ROCK2: variants seen among roughly 807,000 people sequenced by gnomAD.
ROCK2 encodes rho-associated protein kinase 2.
In ROCK2, 61 loss-of-function variants were observed where a neutral mutation model predicts 195.1. The ratio of observed to expected loss-of-function variants is 0.31; its 90% CI spans 0.25 to 0.39. ROCK2 has a LOEUF of 0.39. Ranked by LOEUF, ROCK2 falls within the 10% of genes least tolerant of loss-of-function variation. The probability of loss-of-function intolerance (pLI) is 1.00; values close to 1 mark genes in which losing one functional copy is unlikely to be tolerated. For missense variants in ROCK2, 1,109 were observed against 1,637.4 expected, an observed-to-expected ratio of 0.68 and a Z score of 5.57; for synonymous variants, 504 against 545.5, an observed-to-expected ratio of 0.92 and a Z score of 1.06.
intron 4 of ROCK2, among the ~76,000 whole-genome samples, chr2:11,246,757 T>C (rs1458612594): frequency 1.3e-5 from 2 of 152,204 alleles, no homozygotes; most frequent in African/African-American, 2.4e-5. Context: ...AAATATTTAA[T>C]AGTCATTTAA....
At chr2:11,275,257 CAAA>C (rs71393869) in intron 3 of ROCK2, among the ~76,000 whole-genome samples, 3 of 110,538 alleles carry the variant, frequency 2.7e-5, no homozygotes, top group Admixed American at 9.5e-5. Flanking sequence ...GACTTCATGT[CAAA>C]AAAAAAAAAA....
chr2:11,278,622 T>C (rs149832674), intron 3 of ROCK2, among the ~76,000 whole-genome samples: 563 of 152,298 alleles, frequency 3.7e-3, no homozygotes, highest in South Asian at 0.016. Flanking sequence ...TATTTTATTT[T>C]GGTTTCTTAA....
At chr2:11,268,864 TTTC>T (rs1572338095) in intron 3 of ROCK2, among the ~76,000 whole-genome samples, 1 of 152,282 alleles carries the variant, frequency 6.6e-6, no homozygotes, top group East Asian at 1.9e-4. Flanking sequence ...ATTTTGTCTC[TTTC>T]TTCTTCTGTT....
chr2:11,334,631 A>G (rs1038551967), intron 1 of ROCK2, among the ~76,000 whole-genome samples: 4 of 151,382 alleles, frequency 2.6e-5, no homozygotes, highest in Non-Finnish European at 4.4e-5. Context: ...AATAAACTCA[A>G]AAGCCAAGAA....
intron 5 of ROCK2, among the ~76,000 whole-genome samples, chr2:11,231,324 C>G (rs1665001753): frequency 6.6e-6 from 1 of 151,980 alleles, no homozygotes; most frequent in Admixed American, 6.6e-5. Flanking sequence ...CTGCCTCAGT[C>G]ACCTGAGTAG....
chr2:11,219,336 CAAAAAAAAAA>C (rs35159426), intron 9 of ROCK2, among the ~76,000 whole-genome samples: 4 of 67,386 alleles, frequency 5.9e-5, no homozygotes, highest in African/African-American at 1.4e-4. Flanking sequence ...CTTATCTCTA[CAAAAAAAAAA>C]AAAAAAAAAA....
intron 3 of ROCK2, among the ~76,000 whole-genome samples, chr2:11,262,618 T>TC (rs1666269579): frequency 2.6e-5 from 4 of 152,188 alleles, no homozygotes; most frequent in Non-Finnish European, 5.9e-5. Context: ...CAAGCTCTCT[T>TC]TGCCTGCTGC....
intron 32 of ROCK2, among the ~76,000 whole-genome samples, chr2:11,191,365 T>C (rs1663415535): frequency 3.3e-5 from 5 of 152,186 alleles, no homozygotes; most frequent in Admixed American, 3.3e-4. Flanking sequence ...ATCCCTGACC[T>C]TACTCCATTT....
intron 7 of ROCK2, among the ~76,000 whole-genome samples, chr2:11,223,216 T>C (rs1664696368): frequency 6.6e-6 from 1 of 152,166 alleles, no homozygotes; most frequent in African/African-American, 2.4e-5. Context: ...ACCATGTAAT[T>C]GACAGGTATT....
Position 11,192,138 on chromosome 2 carries a change from A to G in ROCK2, c.4163+10T>C. ...TTTTTTTTTTTCCTTACCACATTTTAGTTTATTACCTAGGTTTGTTTGGGG... is the reference window on the plus strand; with the variant it reads ...TTTTTTTTTTTCCTTACCACATTTTGGTTTATTACCTAGGTTTGTTTGGGG... On this transcript the variant is annotated intron_variant, in intron 32 of 32. Transcript: ENST00000315872. The surrounding 1 kb of genome is among the most constrained non-coding windows in gnomAD (Gnocchi z 5.0). 3.3e-6 allele frequency: 5 copies of G among 1,528,674 alleles called. No homozygotes were observed. The highest frequency in any genetic ancestry group is 4.4e-6 in the Non-Finnish European group (5 of 1,130,486). The allele number at this position is 1,528,674 out of a possible 1,614,324, so 94.7% of individuals were successfully genotyped here. A position where few individuals can be genotyped will look rare whatever the true frequency, so the allele number is the denominator to read the frequency against.
chr2:11,214,556 G>A, intron 16 of ROCK2, 93 bp from the exon 17 acceptor site: 1 of 760,990 alleles, frequency 1.3e-6, no homozygotes, highest in Non-Finnish European at 2.1e-6. Context: ...TTCTATTTTG[G>A]AGCTGTTGTT....
chr2:11,285,846 C>CA (rs1169077590), intron 3 of ROCK2, among the ~76,000 whole-genome samples: 2 of 151,476 alleles, frequency 1.3e-5, no homozygotes, highest in African/African-American at 4.8e-5. Flanking sequence ...CAAAAAGAAA[C>CA]AAAAAACCCA....
chr2:11,224,138 T>C (rs1664731057), intron 7 of ROCK2, among the ~76,000 whole-genome samples, 184 bp downstream of exon 7: 1 of 152,188 alleles, frequency 6.6e-6, no homozygotes, highest in South Asian at 2.1e-4. Context: ...AACTGGGCTG[T>C]ACACACATAA....
At chr2:11,343,817 T>TC (rs1669189303) in intron 1 of ROCK2, among the ~76,000 whole-genome samples, 179 bp downstream of exon 1, 1 of 151,542 alleles carries the variant, frequency 6.6e-6, no homozygotes. Flanking sequence ...CAAAGGCGGG[T>TC]CACTACTCTT....
At chr2:11,199,050 G>A (rs1370550082) in intron 23 of ROCK2, among the ~76,000 whole-genome samples, 4 of 150,544 alleles carry the variant, frequency 2.7e-5, no homozygotes, top group East Asian at 1.9e-4. Flanking sequence ...ACAGGCATGC[G>A]CCACCACACC....
At chr2:11,324,263 C>T (rs935226039) in intron 1 of ROCK2, among the ~76,000 whole-genome samples, 3 of 152,102 alleles carry the variant, frequency 2.0e-5, no homozygotes, top group East Asian at 1.9e-4. Flanking sequence ...GGTGAAACCC[C>T]GTCTCCACTA....
At chr2:11,335,138 CACACACACACAG>C (rs1242192338) in intron 1 of ROCK2, among the ~76,000 whole-genome samples, 3 of 151,556 alleles carry the variant, frequency 2.0e-5, no homozygotes, top group Non-Finnish European at 2.9e-5. Flanking sequence ...CACACACACA[CACACACACACAG>C]ACACACACAC....
At chr2:11,308,977 T>C in intron 1 of ROCK2, 6 of 1,607,482 alleles carry the variant, frequency 3.7e-6, no homozygotes, top group Non-Finnish European at 5.1e-6. Context: ...CTGTGAATTT[T>C]ACCACTCAGT....
intron 3 of ROCK2, among the ~76,000 whole-genome samples, chr2:11,263,993 A>C (rs1027328578): frequency 1.4e-5 from 2 of 147,130 alleles, no homozygotes; most frequent in African/African-American, 5.0e-5. Context: ...AAAAAAAAAA[A>C]CATGTATGCT....
Sources: allele counts gnomAD v4.1 joint callset (sites outside exome capture counted in the v4.1 genomes callset), GRCh38; gene constraint gnomAD v4.1.1; non-coding constraint Gnocchi (gnomAD v3.1); transcripts MANE v1.5; gene names NCBI Gene and HGNC (gene_info 2026-07-23, HGNC 2026-07-21).